The following TTC13 variants were observed in gnomAD, a reference collection of about 807,000 sequenced individuals.
TTC13 encodes the protein tetratricopeptide repeat protein 13.
Under a neutral mutation model 120.0 loss-of-function variants are expected in TTC13, and 62 were observed. The ratio of observed to expected loss-of-function variants is 0.52; its 90% CI spans 0.42 to 0.64. TTC13 has a LOEUF of 0.64. Among genes scored for constraint, TTC13 ranks in the 30% least tolerant of loss-of-function variants. TTC13 has a pLI of 0.00. For synonymous variants in TTC13, 384 were observed against 393.5 expected (o/e 0.98, Z 0.28); for missense variants, 824 against 1,050.2 (o/e 0.78, Z 2.98).
At chr1:230,908,521 C>T in intron 22 of TTC13, 191 bp downstream of exon 22, 5 of 598,320 alleles carry the variant, frequency 8.4e-6, no homozygotes, top group East Asian at 2.9e-5. Context: ...TACATTCACC[C>T]TTAAAAGGTT....
At chr1:230,952,580 A>C (rs2102929451) in intron 4 of TTC13, among the ~76,000 whole-genome samples, 1 of 152,364 alleles carries the variant, frequency 6.6e-6, no homozygotes, top group Middle Eastern at 3.4e-3. Context: ...AAAATACGAT[A>C]TCACATTTCA....
At chr1:230,937,617 A>G (rs150348710) in intron 8 of TTC13, among the ~76,000 whole-genome samples, 3 of 152,356 alleles carry the variant, frequency 2.0e-5, no homozygotes, top group East Asian at 3.9e-4. Context: ...TCCTCCACAT[A>G]CTTCCAAAAG....
rs1159499005 is a variant in TTC13 at position 230,961,268 on chromosome 1, C to T, written c.307G>A (p.Glu103Lys). Reference sequence around the variant, plus strand: ...TCACAGGGTGATGATCCCTTGGGTTCGCAGTCTGAGTCATGGAAGTTCAAA... The same window carrying T: ...TCACAGGGTGATGATCCCTTGGGTTTGCAGTCTGAGTCATGGAAGTTCAAA... ...SFLNFHDSDC[E>K]PKGSSPCDSL... The change falls in exon 2 of 23, where the codon GAA becomes AAA. Residue 103 changes from glutamate (E) to lysine (K), a missense_variant. By Grantham distance (56) the Glu-to-Lys change is moderately conservative. Coordinates refer to ENST00000366661, the MANE Select transcript of TTC13 (RefSeq NM_024525.5). 3.1e-6 allele frequency: 5 copies of T among 1,613,986 alleles called. No individual in the cohort carries two copies. Among genetic ancestry groups the T allele is most frequent in the South Asian group, 2.2e-5 (2 of 91,032 alleles).
rs1394713883 is a variant in TTC13, at chr1:230,931,787, T to G, written c.1074A>C (p.Gly358=). 6.2e-7 allele frequency: 1 copy of G among 1,614,158 alleles called. No homozygotes were observed. Among genetic ancestry groups the G allele is most frequent in the Admixed American group, 1.7e-5 (1 of 60,010 alleles). The change falls in exon 10 of 23, where the codon GGA becomes GGC. Residue 358 remains glycine (G), a synonymous_variant. Transcript: ENST00000366661. ...AGCTGCCGTGGTGGTAGAGCATCATTCCCCGGAGCTGGAGGGTTTGCACAT... is the reference window on the plus strand; with the variant it reads ...AGCTGCCGTGGTGGTAGAGCATCATGCCCCGGAGCTGGAGGGTTTGCACAT... ...QNHVQTLQLR[G]MMLYHHGSLQ...
In TTC13 at chr1:230,940,176, A is replaced by G. The variant is rs1674411631; in HGVS notation, c.789+264T>C. Among the ~76,000 whole-genome samples the G allele has an allele frequency of 6.6e-6, 1 of 152,190 alleles. No individual in the cohort carries two copies. Among genetic ancestry groups the G allele is most frequent in the Non-Finnish European group, 1.5e-5 (1 of 68,042 alleles). On this transcript the variant is annotated intron_variant, in intron 7 of 22. Coordinates refer to ENST00000366661, the MANE Select transcript of TTC13 (RefSeq NM_024525.5). This position sits in a 1 kb window ranked among gnomAD's most constrained non-coding sequence, Gnocchi z 4.1. The stretch of plus-strand genomic sequence containing the variant: ...AGAAAGATTGACATACAATCCACAA[A>G]CTAAATTTATCTTTCTCTCTCTTTT...
chr1:230,924,372 G>C (rs1261132430), intron 14 of TTC13, among the ~76,000 whole-genome samples: 1 of 152,012 alleles, frequency 6.6e-6, no homozygotes, highest in South Asian at 2.1e-4. Flanking sequence ...TCGCTGTGTC[G>C]CCCAGGCTGG....
intron 12 of TTC13, among the ~76,000 whole-genome samples, chr1:230,926,549 A>G (rs1388209229): frequency 6.6e-6 from 1 of 152,128 alleles, no homozygotes; most frequent in Non-Finnish European, 1.5e-5. Flanking sequence ...AACCTCTCCT[A>G]TTAGTTTTGG....
chr1:230,966,258 A>C (rs952231604), intron 1 of TTC13, among the ~76,000 whole-genome samples: 4 of 152,180 alleles, frequency 2.6e-5, no homozygotes, highest in Non-Finnish European at 4.4e-5. Context: ...TATCAATTTT[A>C]TTCCAAAACT....
chr1:230,941,173 T>C (rs556554672), intron 6 of TTC13, among the ~76,000 whole-genome samples: 1 of 152,360 alleles, frequency 6.6e-6, no homozygotes, highest in Admixed American at 6.5e-5. Flanking sequence ...CATGAAAATA[T>C]AGAAGACAGT....
rs563196117 is a variant in TTC13, at chr1:230,958,983, G to T, written c.367-684C>A. Among the ~76,000 whole-genome samples, 23 of 152,328 alleles carry T rather than the reference G, an allele frequency of 1.5e-4. No homozygotes were observed. The South Asian group carries it at 4.8e-3, about 32-fold the overall frequency. Reference sequence around the variant, plus strand: ...GTACCCCCAGCCTGGGCAAAACAGTGAGACTCTGTCTCAAAAATAAATAAA... The same window carrying T: ...GTACCCCCAGCCTGGGCAAAACAGTTAGACTCTGTCTCAAAAATAAATAAA... On this transcript the variant is annotated intron_variant, in intron 2 of 22. Transcript: ENST00000366661.
At chr1:230,968,332 T>TTA (rs1553299220) in intron 1 of TTC13, among the ~76,000 whole-genome samples, 9 of 145,442 alleles carry the variant, frequency 6.2e-5, no homozygotes, top group Non-Finnish European at 1.2e-4. Flanking sequence ...ATTCTTTTTT[T>TTA]AAAAAAACAA....
chr1:230,963,588 T>C (rs917752876), intron 1 of TTC13, among the ~76,000 whole-genome samples: 1 of 151,448 alleles, frequency 6.6e-6, no homozygotes, highest in Non-Finnish European at 1.5e-5. Flanking sequence ...TGAACCATGA[T>C]CATACCACTG....
At position 230,939,411 on chromosome 1, in the gene TTC13, G is replaced by C. The variant is rs1486063532; in HGVS notation, c.875C>G (p.Thr292Ser). The C allele has an allele frequency of 8.1e-6, 13 of 1,611,042 alleles. No individual in the cohort carries two copies. The highest frequency in any genetic ancestry group is 9.3e-6 in the Non-Finnish European group (11 of 1,177,930). Residue 292 changes from threonine (T) to serine (S), a missense_variant, in exon 8 of 23, where the codon ACT becomes AGT. Thr to Ser is a moderately conservative substitution (Grantham distance 58). Around this residue, in one of 4 missense-constraint regions of TTC13, gnomAD observed 430 missense variants for 626.8 expected, o/e 0.69. Coordinates refer to ENST00000366661, the MANE Select transcript of TTC13 (RefSeq NM_024525.5). ...QPIAMLYKGL[T>S]FFHRGLLKEA... ...CTTCAGAAGTCCTCTGTGAAAGAAA[G>C]TTAAACCTTTGTATAGCATAGCTAT...
chr1:230,978,415 C>T lies in TTC13; in HGVS notation c.271+145G>A, dbSNP rs1678592705. 1.0e-5 allele frequency: 2 copies of T among 197,172 alleles called. No individual in the cohort carries two copies. Among genetic ancestry groups the T allele is most frequent in the Admixed American group, 1.2e-4 (2 of 16,800 alleles). The allele number at this position is 197,172 out of a possible 1,614,324, so 12.2% of individuals were successfully genotyped here. A position where few individuals can be genotyped will look rare whatever the true frequency, so the allele number is the denominator to read the frequency against. On this transcript the variant is annotated intron_variant, in intron 1 of 22. Coordinates refer to ENST00000366661, the MANE Select transcript of TTC13 (RefSeq NM_024525.5). The surrounding 1 kb of genome is among the most constrained non-coding windows in gnomAD (Gnocchi z 5.6). ...GTGGCAGCGGCGGGAAGCTGCCCGC[C>T]AGGACCCCTGGCCGAGCCGGCTCCC...
At chr1:230,954,677 T>A (rs1213529354) in intron 3 of TTC13, among the ~76,000 whole-genome samples, 1 of 152,236 alleles carries the variant, frequency 6.6e-6, no homozygotes, top group Admixed American at 6.5e-5. Context: ...AAGGCCATCA[T>A]TCATTTTCAA....
At chr1:230,919,861 T>C (rs921645931) in intron 17 of TTC13, among the ~76,000 whole-genome samples, 1 of 152,196 alleles carries the variant, frequency 6.6e-6, no homozygotes, top group African/African-American at 2.4e-5. Flanking sequence ...TGCTCAGCTT[T>C]CGTTCCCACA....
rs910114661 is a variant in TTC13, at chr1:230,924,956, A to G, written c.1606T>C (p.Leu536=). Residue 536 remains leucine, a synonymous_variant, in exon 14 of 23, where the codon TTG becomes CTG. Transcript: ENST00000366661. ...CGCTGCACGGCTTGCATGACCTCCA[A>G]TGCGGCCAAACCCATAGCTACGAGA... ...RIHRAMGLAA[L]EVMQAVQRTW... is the part of the protein sequence containing the mutation. 7 of 1,614,078 alleles carry G rather than the reference A, an allele frequency of 4.3e-6. No individual in the cohort carries two copies. Among genetic ancestry groups the G allele is most frequent in the Non-Finnish European group, 5.9e-6 (7 of 1,180,036 alleles).
At chr1:230,918,780 C>T (rs1430461284) in intron 17 of TTC13, among the ~76,000 whole-genome samples, 1 of 152,190 alleles carries the variant, frequency 6.6e-6, no homozygotes, top group African/African-American at 2.4e-5. Flanking sequence ...AGATGCTCAG[C>T]TCTGTTCATG....
At chr1:230,963,556 G>A (rs1034427452) in intron 1 of TTC13, among the ~76,000 whole-genome samples, 17 of 151,988 alleles carry the variant, frequency 1.1e-4, no homozygotes, top group Admixed American at 5.2e-4. Context: ...GATCACCTGA[G>A]TCCAGGAGGT....
Sources: allele counts gnomAD v4.1 joint callset (sites outside exome capture counted in the v4.1 genomes callset), GRCh38; gene constraint gnomAD v4.1.1; regional missense constraint gnomAD v4.1.1; non-coding constraint Gnocchi (gnomAD v3.1); transcripts MANE v1.5; gene names NCBI Gene and HGNC (gene_info 2026-07-23, HGNC 2026-07-21).